MYO18B: variants seen among roughly 807,000 people sequenced by gnomAD.
MYO18B encodes unconventional myosin-XVIIIb.
Under a neutral mutation model 273.0 loss-of-function variants are expected in MYO18B, and 204 were observed. That is an observed-to-expected ratio of 0.75 (90% CI 0.67 to 0.84). The LOEUF is 0.84. MYO18B is among the 40% of genes least tolerant of loss of function. The probability of loss-of-function intolerance (pLI) is 0.00; values close to 1 mark genes in which losing one functional copy is unlikely to be tolerated. For missense variants in MYO18B, 3,212 were observed against 3,287.6 expected (o/e 0.98, Z 0.56); for synonymous variants, 1,330 against 1,305.7 (o/e 1.02, Z -0.40).
intron 13 of MYO18B, among the ~76,000 whole-genome samples, chr22:25,825,535 C>CGT (rs536695597): frequency 5.7e-4 from 87 of 151,992 alleles, no homozygotes; most frequent in African/African-American, 1.9e-3. Context: ...CATATACATG[C>CGT]GTGTGTGTGT....
rs574146420 is a variant in MYO18B, at chr22:25,963,107, G to GTT, written c.6156+7745_6156+7746dup. On this transcript the variant is annotated intron_variant, in intron 39 of 43. Coordinates refer to ENST00000335473, the MANE Select transcript of MYO18B (RefSeq NM_032608.7). ...TCACTTGTCTAGACTTAGGCATGCT[G>GTT]TTTCTCTCTCTCTCTCCTCTTTCTC... Among the ~76,000 whole-genome samples, 212 of 148,658 alleles carry GTT rather than the reference G, an allele frequency of 1.4e-3. 1 individual carries two copies. The highest frequency in any genetic ancestry group is 2.1e-3 in the Non-Finnish European group (138 of 67,306).
intron 39 of MYO18B, among the ~76,000 whole-genome samples, chr22:25,982,602 G>A (rs2093160806): frequency 6.6e-6 from 1 of 152,140 alleles, no homozygotes; most frequent in Non-Finnish European, 1.5e-5. Context: ...AGCTTCTAGT[G>A]TCTGCCAGCA....
chr22:25,912,507 GC>G (rs1166871532), intron 33 of MYO18B, among the ~76,000 whole-genome samples: 1 of 152,144 alleles, frequency 6.6e-6, no homozygotes, highest in African/African-American at 2.4e-5. Flanking sequence ...TGAATAAAAA[GC>G]CATCTTTGTG....
chr22:25,867,159 A>G (rs2090912101), intron 21 of MYO18B, among the ~76,000 whole-genome samples: 1 of 152,198 alleles, frequency 6.6e-6, no homozygotes, highest in Non-Finnish European at 1.5e-5. Flanking sequence ...AATCTTAACC[A>G]TTTTAAGCAT....
intron 28 of MYO18B, chr22:25,897,150 T>C (rs531293333): frequency 3.9e-5 from 6 of 152,228 alleles, no homozygotes; most frequent in Non-Finnish European, 8.8e-5. Context: ...AGTCCCTGAG[T>C]TGTCTTCCAA....
rs397740330 is a variant in MYO18B at position 25,778,808 on chromosome 22, T to TA, written c.2068+1029dup. On this transcript the variant is annotated intron_variant, in intron 8 of 43. Coordinates refer to ENST00000335473, the MANE Select transcript of MYO18B (RefSeq NM_032608.7). ...TGCCCAACCTGAACTTTTTTTTTTT[T>TA]AATCTAAAACAGCCCTATAAGGTAG... Among the ~76,000 whole-genome samples the TA allele has an allele frequency of 2.1e-3, 312 of 151,528 alleles. 1 individual carries two copies. The highest frequency in any genetic ancestry group is 2.3e-3 in the Non-Finnish European group (154 of 67,822).
intron 15 of MYO18B, 41 bp from the exon 16 acceptor site, chr22:25,832,876 C>T: frequency 8.4e-6 from 13 of 1,549,084 alleles, no homozygotes; most frequent in Non-Finnish European, 1.2e-5. Context: ...CCCCCTTCAG[C>T]TCGCTAAAAG....
At chr22:26,036,776 A>G in the MYO18B span, among the ~76,000 whole-genome samples, 1 of 152,216 alleles carries the variant, frequency 6.6e-6, no homozygotes, top group Non-Finnish European at 1.5e-5. Flanking sequence ...AGGTGGAAGG[A>G]CATTGGAGGA....
chr22:26,001,502 A>G (rs1933945025), intron 40 of MYO18B, among the ~76,000 whole-genome samples: 1 of 152,216 alleles, frequency 6.6e-6, no homozygotes, highest in Non-Finnish European at 1.5e-5. Context: ...TGGAGCCAAC[A>G]CAAGGAAAGG....
At chr22:25,847,318 TA>T (rs1406141713) in intron 19 of MYO18B, 111 bp from the exon 20 acceptor site, 1 of 855,500 alleles carries the variant, frequency 1.2e-6, no homozygotes, top group African/African-American at 1.7e-5. Context: ...GTGTGGGACA[TA>T]GGGGCCCCAA....
At chr22:26,002,676 C>T (rs1420600740) in intron 40 of MYO18B, among the ~76,000 whole-genome samples, 1 of 152,108 alleles carries the variant, frequency 6.6e-6, no homozygotes, top group African/African-American at 2.4e-5. Context: ...GCTTAACAGG[C>T]CTGGGATCAA....
chr22:25,912,362 A>G (rs977479475), intron 33 of MYO18B, among the ~76,000 whole-genome samples: 14 of 152,222 alleles, frequency 9.2e-5, no homozygotes, highest in African/African-American at 3.1e-4. Flanking sequence ...CTAGAATGAT[A>G]GAGGGGAATC....
chr22:25,819,953 T>C lies in MYO18B; in HGVS notation c.2522-3552T>C, dbSNP rs1238639849. On this transcript the variant is annotated intron_variant, in intron 12 of 43. Coordinates refer to ENST00000335473, the MANE Select transcript of MYO18B (RefSeq NM_032608.7). Reference sequence around the variant, plus strand: ...ATAAGTACTGAGCTTTTTCCATGTGTCACTCCTGGAACAATAACCCAGGCT... The same window carrying C: ...ATAAGTACTGAGCTTTTTCCATGTGCCACTCCTGGAACAATAACCCAGGCT... Among the ~76,000 whole-genome samples, 5 of 135,276 alleles carry C rather than the reference T, an allele frequency of 3.7e-5. No homozygotes were observed. In the East Asian group the frequency reaches 1.1e-3, roughly 30 times the overall value. The allele number at this position is 135,276 out of a possible 152,430, so 88.7% of individuals were successfully genotyped here. A position where few individuals can be genotyped will look rare whatever the true frequency, so the allele number is the denominator to read the frequency against.
intron 1 of MYO18B, among the ~76,000 whole-genome samples, chr22:25,746,640 C>T (rs1047126127): frequency 6.6e-6 from 1 of 152,208 alleles, no homozygotes; most frequent in South Asian, 2.1e-4. Flanking sequence ...CAACTTTCTG[C>T]GATGATAGGA....
chr22:26,040,749 A>G, the MYO18B span, among the ~76,000 whole-genome samples: 1 of 152,172 alleles, frequency 6.6e-6, no homozygotes, highest in African/African-American at 2.4e-5. Context: ...TAGGAGCATG[A>G]GTGGCGGGTT....
chr22:25,943,709 TCC>T (rs1480579119), intron 34 of MYO18B, among the ~76,000 whole-genome samples: 3 of 136,756 alleles, frequency 2.2e-5, no homozygotes, highest in Non-Finnish European at 1.5e-5. Flanking sequence ...TTTCTTTCTT[TCC>T]TTTTTTTTTT....
At chr22:26,000,445 T>A (rs1933844071) in intron 40 of MYO18B, among the ~76,000 whole-genome samples, 1 of 152,112 alleles carries the variant, frequency 6.6e-6, no homozygotes, top group Admixed American at 6.5e-5. Context: ...CACCATGGTA[T>A]ACAAACTCAA....
At chr22:25,815,295 G>A (rs1255842240) in intron 12 of MYO18B, among the ~76,000 whole-genome samples, 1 of 152,194 alleles carries the variant, frequency 6.6e-6, no homozygotes, top group Non-Finnish European at 1.5e-5. Context: ...CTTGCTAGCT[G>A]AGTGATCTCA....
Position 25,851,648 on chromosome 22 carries a change from A to C in MYO18B, c.3885+69A>C, listed in dbSNP as rs2146048048. On this transcript the variant is annotated intron_variant, in intron 21 of 43. Coordinates refer to ENST00000335473, the MANE Select transcript of MYO18B (RefSeq NM_032608.7). Reference sequence around the variant, plus strand: ...ATATGTTGGTTATTGGACATGTTCCAAGGCTGGGCACGGTGAGTGGCTCAT... The same window carrying C: ...ATATGTTGGTTATTGGACATGTTCCCAGGCTGGGCACGGTGAGTGGCTCAT... 2.5e-5 allele frequency: 30 copies of C among 1,176,764 alleles called. No individual in the cohort carries two copies. The South Asian group carries it at 3.9e-4, about 15-fold the overall frequency. 72.9% of individuals were successfully genotyped at this position (1,176,764 alleles called of 1,614,324 possible). A position where few individuals can be genotyped will look rare whatever the true frequency, so the allele number is the denominator to read the frequency against.
Sources: gnomAD v4.1 joint callset for allele counts (sites outside exome capture counted in the v4.1 genomes callset) on GRCh38, gnomAD v4.1.1 for gene constraint, MANE v1.5 for transcripts, NCBI Gene and HGNC (gene_info 2026-07-23, HGNC 2026-07-21) for gene names.